RNF157: variants seen among roughly 807,000 people sequenced by gnomAD.
RNF157 encodes the protein ring finger protein 157, also known as E3 ubiquitin ligase RNF157.
RNF157 carries 55 observed loss-of-function variants against 88.3 expected under a neutral mutation model. That is an observed-to-expected ratio of 0.62 (90% CI 0.50 to 0.78). The LOEUF (loss-of-function observed/expected upper bound fraction) is 0.78, where lower values mean the gene tolerates loss of function less well. RNF157 is among the 30% of genes least tolerant of loss of function. RNF157 has a pLI of 0.00. For missense variants in RNF157, 788 were observed against 860.8 expected (o/e 0.92, Z 1.06); for synonymous variants, 334 against 341.2 (o/e 0.98, Z 0.23).
intron 18 of RNF157, among the ~76,000 whole-genome samples, chr17:76,145,934 G>A (rs1489160987): frequency 6.6e-6 from 1 of 152,098 alleles, no homozygotes; most frequent in Non-Finnish European, 1.5e-5. Context: ...CTGCACCTAC[G>A]CAGCTGTTGA....
chr17:76,230,250 T>C (rs764442742), intron 1 of RNF157, among the ~76,000 whole-genome samples: 1 of 152,234 alleles, frequency 6.6e-6, no homozygotes, highest in Non-Finnish European at 1.5e-5. Context: ...TTCTGTCTAA[T>C]TTCCCCGGAT....
intron 2 of RNF157, among the ~76,000 whole-genome samples, chr17:76,174,833 ACT>A (rs2069078327): frequency 1.3e-5 from 2 of 152,002 alleles, no homozygotes; most frequent in South Asian, 4.1e-4. Context: ...TATGAATGTG[ACT>A]CTTACATTCA....
intron 2 of RNF157, among the ~76,000 whole-genome samples, chr17:76,201,200 G>A (rs1202221914): frequency 6.6e-6 from 1 of 151,432 alleles, no homozygotes; most frequent in Non-Finnish European, 1.5e-5. Flanking sequence ...AGAAGAATAT[G>A]AAGAGCCGGG....
At chr17:76,168,056 CAT>C (rs1284817805) in intron 3 of RNF157, among the ~76,000 whole-genome samples, 2 of 152,110 alleles carry the variant, frequency 1.3e-5, no homozygotes, top group Non-Finnish European at 2.9e-5. Context: ...TTATTAATCA[CAT>C]AGTTTAAATA....
At chr17:76,148,741 T>C (rs765032397) in intron 18 of RNF157, among the ~76,000 whole-genome samples, 1 of 152,094 alleles carries the variant, frequency 6.6e-6, no homozygotes, top group Non-Finnish European at 1.5e-5. Context: ...TGGCTAATTT[T>C]TGTATTTTCT....
chr17:76,203,734 G>A (rs892776788), intron 2 of RNF157, among the ~76,000 whole-genome samples: 1 of 147,408 alleles, frequency 6.8e-6, no homozygotes, highest in Non-Finnish European at 1.5e-5. Context: ...TTACAAGCAT[G>A]ACCCACCACG....
At chr17:76,216,176 T>C (rs2069884636) in intron 1 of RNF157, among the ~76,000 whole-genome samples, 2 of 152,176 alleles carry the variant, frequency 1.3e-5, no homozygotes, top group Admixed American at 1.3e-4. Flanking sequence ...GTTTGATGTC[T>C]GGAATTGTCT....
At chr17:76,220,669 A>G (rs1372062326) in intron 1 of RNF157, among the ~76,000 whole-genome samples, 2 of 147,518 alleles carry the variant, frequency 1.4e-5, no homozygotes, top group Non-Finnish European at 3.0e-5. Context: ...TTTTTTTTTT[A>G]GTTAGCTGGG....
At chr17:76,219,687 A>C (rs1402613024) in intron 1 of RNF157, among the ~76,000 whole-genome samples, 1 of 152,174 alleles carries the variant, frequency 6.6e-6, no homozygotes, top group Admixed American at 6.5e-5. Context: ...AAGTGAAACA[A>C]ATGAACCTAG....
At chr17:76,175,676 AT>A (rs2069091327) in intron 2 of RNF157, 4 of 819,626 alleles carry the variant, frequency 4.9e-6, no homozygotes, top group Non-Finnish European at 5.9e-6. Flanking sequence ...TGGGATTAAA[AT>A]TTTTTTCTGG....
At chr17:76,179,674 C>A (rs1340729511) in intron 2 of RNF157, among the ~76,000 whole-genome samples, 1 of 152,198 alleles carries the variant, frequency 6.6e-6, no homozygotes, top group Non-Finnish European at 1.5e-5. Context: ...GCCTGGGCAA[C>A]AAGCGAGACT....
At chr17:76,223,251 A>C (rs1414393077) in intron 1 of RNF157, among the ~76,000 whole-genome samples, 2 of 147,474 alleles carry the variant, frequency 1.4e-5, no homozygotes, top group Non-Finnish European at 3.0e-5. Context: ...GCAGTAGTCC[A>C]ATCTCTGCTC....
chr17:76,185,487 T>TTTTTTTTTTTTTTTTA (rs1568047329), intron 2 of RNF157, among the ~76,000 whole-genome samples: 2 of 150,076 alleles, frequency 1.3e-5, no homozygotes, highest in Admixed American at 6.6e-5. Flanking sequence ...TTTTTTTTTT[T>TTTTTTTTTTTTTTTTA]GAGACGGAGT....
chr17:76,172,320 G>A (rs898494143), intron 3 of RNF157, among the ~76,000 whole-genome samples: 2 of 151,802 alleles, frequency 1.3e-5, no homozygotes, highest in Admixed American at 6.6e-5. Context: ...GGCCAGGTGC[G>A]GTGGCTCACG....
intron 18 of RNF157, among the ~76,000 whole-genome samples, chr17:76,151,437 C>T (rs771487347): frequency 3.8e-4 from 58 of 152,142 alleles, no homozygotes; most frequent in Non-Finnish European, 7.5e-4. Context: ...CGTCGCTGAG[C>T]GAGTAAAGCA....
At chr17:76,162,762 G>A (rs747971523) in intron 8 of RNF157, 139 bp from the exon 9 acceptor site, 22 of 535,750 alleles carry the variant, frequency 4.1e-5, no homozygotes, top group Non-Finnish European at 6.2e-5. Context: ...GCCTGGATAA[G>A]TAAAAGATGC....
intron 1 of RNF157, among the ~76,000 whole-genome samples, chr17:76,231,432 G>A (rs1361124186): frequency 6.6e-6 from 1 of 151,384 alleles, no homozygotes; most frequent in East Asian, 1.9e-4. Flanking sequence ...ACTTTTTACT[G>A]TCTTTTGAGG....
intron 1 of RNF157, among the ~76,000 whole-genome samples, chr17:76,220,594 A>G (rs2069964765): frequency 6.6e-6 from 1 of 152,000 alleles, no homozygotes; most frequent in Admixed American, 6.6e-5. Flanking sequence ...GAAGGCCTTG[A>G]GCCCAGAAGT....
intron 1 of RNF157, among the ~76,000 whole-genome samples, chr17:76,215,827 T>C (rs183087106): frequency 6.6e-6 from 1 of 152,284 alleles, no homozygotes; most frequent in Admixed American, 6.5e-5. Flanking sequence ...AAGTCACCCA[T>C]TAAAACTTAA....
Sources: gnomAD v4.1 joint callset for allele counts (sites outside exome capture counted in the v4.1 genomes callset) on GRCh38, gnomAD v4.1.1 for gene constraint, MANE v1.5 for transcripts, NCBI Gene and HGNC (gene_info 2026-07-23, HGNC 2026-07-21) for gene names.